The following SELENOM variants were observed in gnomAD, a reference collection of about 807,000 sequenced individuals.
The protein encoded by SELENOM is selenoprotein SelM.
Under a neutral mutation model 14.5 loss-of-function variants are expected in SELENOM, and 17 were observed. That is an observed-to-expected ratio of 1.17 (90% CI 0.80 to 1.76). SELENOM has a LOEUF of 1.76. Among genes scored for constraint, SELENOM ranks in the 40% most tolerant of loss-of-function variants. The pLI is 0.00. For missense variants in SELENOM, 230 were observed against 204.6 expected, an observed-to-expected ratio of 1.12 and a Z score of -0.76; for synonymous variants, 102 against 93.3, an observed-to-expected ratio of 1.09 and a Z score of -0.54.
In SELENOM at chr22:31,105,141, A is replaced by G; in HGVS notation, c.280-13T>C. On this transcript the variant is annotated splice_polypyrimidine_tract_variant and intron_variant, in intron 4 of 4. Transcript: ENST00000400299. ...TGAGTGGGATGCGCTGAGGCGGAGG[A>G]GGGGCGGGGTCAGCAGGCTGGGCCT... The G allele has an allele frequency of 6.2e-7, 1 of 1,613,364 alleles. No homozygotes were observed. Among genetic ancestry groups the G allele is most frequent in the Non-Finnish European group, 8.5e-7 (1 of 1,179,762 alleles).
Position 31,104,878 on chromosome 22 carries a change from C to G in SELENOM, c.*92G>C, listed in dbSNP as rs2044370569. The G allele has an allele frequency of 7.2e-6, 10 of 1,387,276 alleles. No homozygotes were observed. The South Asian group carries it at 1.4e-4, about 19-fold the overall frequency. 85.9% of individuals were successfully genotyped at this position (1,387,276 alleles called of 1,614,324 possible). ...GCTGGCCCGGGGACGGGCATCGGCT[C>G]TCAGCAAGAGAAGTATTCCCGGGAT... On this transcript the variant is annotated 3_prime_UTR_variant, in exon 5 of 5. Transcript: ENST00000400299.
Position 31,104,887 on chromosome 22 carries a change from A to C in SELENOM, c.*83T>G. ...GGGACGGGCATCGGCTCTCAGCAAG[A>C]GAAGTATTCCCGGGATGCTGAGCGC... is the stretch of plus-strand genomic sequence containing the variant. On this transcript the variant is annotated 3_prime_UTR_variant, in exon 5 of 5. Coordinates refer to ENST00000400299, the MANE Select transcript of SELENOM (RefSeq NM_080430.4). The C allele has an allele frequency of 1.4e-6, 2 of 1,403,990 alleles. No individual in the cohort carries two copies. Among genetic ancestry groups the C allele is most frequent in the Non-Finnish European group, 1.9e-6 (2 of 1,057,312 alleles). 87.0% of individuals were successfully genotyped at this position (1,403,990 alleles called of 1,614,324 possible).
At chr22:31,106,202 A>G (rs1372184138) in intron 1 of SELENOM, 1 of 585,000 alleles carries the variant, frequency 1.7e-6, no homozygotes, top group Non-Finnish European at 3.1e-6. Context: ...CCAGAGACCC[A>G]CAGTGTGCCT....
intron 3 of SELENOM, 48 bp from the exon 4 acceptor site, chr22:31,105,334 G>T: frequency 1.3e-6 from 2 of 1,537,914 alleles, no homozygotes; most frequent in South Asian, 1.2e-5. Flanking sequence ...GGAGGTGGTG[G>T]TTTCCGCAGC....
Position 31,107,421 on chromosome 22 carries a change from G to T in SELENOM, c.85C>A (p.Pro29Thr). Residue 29 changes from proline to threonine, a missense_variant, in exon 1 of 5, where the codon CCG becomes ACG. Transcript: ENST00000400299. ...AGGCCGCTCAGACGGTTCCAGTCCG[G>T]CCGGTAGGCAGTGGCGGCTGTGGCT... ...APATAATAYR[P>T]DWNRLSGLTR... The T allele has an allele frequency of 1.3e-6, 2 of 1,589,340 alleles. No homozygotes were observed. Among genetic ancestry groups the T allele is most frequent in the South Asian group, 2.3e-5 (2 of 87,466 alleles).
In SELENOM at chr22:31,104,919, CT is replaced by C; in HGVS notation, c.*50del. On this transcript the variant is annotated 3_prime_UTR_variant, in exon 5 of 5. Transcript: ENST00000400299. ...TTCCCGGGATGCTGAGCGCTTCATTCTGTCTCCAGGACTCAGGCAGGTAGGT... is the reference window on the plus strand; with the variant it reads ...TTCCCGGGATGCTGAGCGCTTCATTCGTCTCCAGGACTCAGGCAGGTAGGT... 1 of 1,499,028 alleles carries C rather than the reference CT, an allele frequency of 6.7e-7. No individual in the cohort carries two copies. The highest frequency in any genetic ancestry group is 8.9e-7 in the Non-Finnish European group (1 of 1,125,458). 92.9% of individuals were successfully genotyped at this position (1,499,028 alleles called of 1,614,324 possible). A position where few individuals can be genotyped will look rare whatever the true frequency, so the allele number is the denominator to read the frequency against.
intron 1 of SELENOM, chr22:31,106,524 T>A (rs1292706900): frequency 6.0e-6 from 1 of 166,274 alleles, no homozygotes; most frequent in African/African-American, 2.4e-5. Context: ...CTGCCTTCCC[T>A]GAGGAGATGC....
At position 31,105,749 on chromosome 22, in the gene SELENOM, G is replaced by A. The variant is rs553271664; in HGVS notation, c.166-57C>T. On this transcript the variant is annotated intron_variant, in intron 2 of 4. Transcript: ENST00000400299. ...ACCTCAGTCTACTCGAGGTACAGAC[G>A]AGACACTGAAGCCCAGTGAGGTCAT... 47 of 1,591,792 alleles carry A rather than the reference G, an allele frequency of 3.0e-5. No individual in the cohort carries two copies. In the African/African-American group the frequency reaches 4.3e-4, roughly 15 times the overall value.
chr22:31,105,861 G>C (rs2044398607), intron 2 of SELENOM, 69 bp downstream of exon 2: 1 of 1,539,078 alleles, frequency 6.5e-7, no homozygotes, highest in Non-Finnish European at 9.0e-7. Context: ...CCAGTCATTG[G>C]GACCATGTTG....
chr22:31,105,092 T>C lies in SELENOM; in HGVS notation c.316A>G (p.Asn106Asp), dbSNP rs757184258. 1.2e-6 allele frequency: 2 copies of C among 1,613,338 alleles called. No individual in the cohort carries two copies. Among genetic ancestry groups the C allele is most frequent in the Admixed American group, 1.7e-5 (1 of 59,962 alleles). The change falls in exon 5 of 5, where the codon AAT becomes GAT. Residue 106 changes from asparagine (N) to aspartate (D), a missense_variant. By Grantham distance (23) the Asn-to-Asp change is conservative. Transcript: ENST00000400299. ...AAGCCGAGCTCCTGCACTAGCGCAT[T>C]GATCTCTTCGCGGGTCATTTCACTG... is the stretch of plus-strand genomic sequence containing the variant. Reference protein sequence around the residue: ...PLSEMTREEINALVQELGFYR... With the variant: ...PLSEMTREEIDALVQELGFYR...
chr22:31,107,282 G>C, intron 1 of SELENOM, 95 bp downstream of exon 1: 1 of 1,418,930 alleles, frequency 7.0e-7, no homozygotes, highest in Non-Finnish European at 9.4e-7. Flanking sequence ...GAGACTCGCG[G>C]TTCGAGGTGG....
chr22:31,104,840 C>A lies in SELENOM; in HGVS notation c.*130G>T, dbSNP rs2044368993. The A allele has an allele frequency of 5.5e-6, 6 of 1,097,550 alleles. No homozygotes were observed. 68.0% of individuals were successfully genotyped at this position (1,097,550 alleles called of 1,614,324 possible). A position where few individuals can be genotyped will look rare whatever the true frequency, so the allele number is the denominator to read the frequency against. On this transcript the variant is annotated 3_prime_UTR_variant, in exon 5 of 5. Transcript: ENST00000400299. ...GAAAGTGGGGTTGGGAGAACCTCCC[C>A]AACCCCATCCCTGCTGGCCCGGGGA...
intron 1 of SELENOM, chr22:31,106,212 T>C (rs533122430): frequency 1.9e-5 from 11 of 577,836 alleles, no homozygotes; most frequent in African/African-American, 1.7e-4. Context: ...ACAGTGTGCC[T>C]GCCAGCCTTG....
chr22:31,105,284 T>G lies in SELENOM; in HGVS notation c.203A>C (p.His68Pro), dbSNP rs1445034466. 1 of 1,610,378 alleles carries G rather than the reference T, an allele frequency of 6.2e-7. No homozygotes were observed. The highest frequency in any genetic ancestry group is 1.3e-5 in the African/African-American group (1 of 74,840). The change falls in exon 4 of 5, where the codon CAC (histidine) becomes CCC (proline). Residue 68 changes from histidine to proline, a missense_variant and splice_region_variant. By Grantham distance (77) the His-to-Pro change is moderately conservative (BLOSUM62 -2). Transcript: ENST00000400299. ...AGGGAGGTGTTTCATCACCAGGTTG[T>G]GACTGGAGGTGGTGTTAAGGAGCGG... ...AFVTQDIPFYHNLVMKHLPGA... is the reference protein window; with the variant it reads ...AFVTQDIPFYPNLVMKHLPGA...
intron 1 of SELENOM, chr22:31,106,292 T>A (rs1028938160): frequency 4.7e-6 from 2 of 427,398 alleles, no homozygotes; most frequent in African/African-American, 4.0e-5. Context: ...CTGCTCCTCT[T>A]AAGCAGTAGA....
chr22:31,107,212 C>T, intron 1 of SELENOM, 165 bp downstream of exon 1: 1 of 863,580 alleles, frequency 1.2e-6, no homozygotes, highest in Non-Finnish European at 1.7e-6. Flanking sequence ...ACGGTGGATG[C>T]TGGGGCCATC....
chr22:31,105,786 G>A, intron 2 of SELENOM, 94 bp from the exon 3 acceptor site: 1 of 1,514,078 alleles, frequency 6.6e-7, no homozygotes, highest in Non-Finnish European at 9.2e-7. Context: ...AAGCAAGTCA[G>A]GTGCAGGCTA....
At chr22:31,106,781 G>A (rs2044410217) in intron 1 of SELENOM, 1 of 152,688 alleles carries the variant, frequency 6.5e-6, no homozygotes, top group South Asian at 2.0e-4. Context: ...GGCGGGCTGT[G>A]ATGGTCAAAG....
Position 31,105,006 on chromosome 22 carries a change from C to G in SELENOM, c.402G>C (p.Lys134Asn), listed in dbSNP as rs1283436408. Residue 134 changes from lysine to asparagine, a missense_variant, in exon 5 of 5, where the codon AAG becomes AAC. Physicochemically the swap from Lys to Asn is moderately conservative, Grantham distance 94. Coordinates refer to ENST00000400299, the MANE Select transcript of SELENOM (RefSeq NM_080430.4). Reference sequence around the variant, plus strand: ...CGTGGTCCGAAGTTTCCTCTGGGGGCTTCGCGGGCGCCCACACGTACTCGG... The same window carrying G: ...CGTGGTCCGAAGTTTCCTCTGGGGGGTTCGCGGGCGCCCACACGTACTCGG... ...VPPEYVWAPA[K>N]PPEETSDHAD... is the part of the protein sequence containing the mutation. 1.9e-6 allele frequency: 3 copies of G among 1,602,978 alleles called. No homozygotes were observed. Among genetic ancestry groups the G allele is most frequent in the Non-Finnish European group, 1.7e-6 (2 of 1,176,774 alleles).
Sources: gnomAD v4.1 joint callset for allele counts on GRCh38, gnomAD v4.1.1 for gene constraint, MANE v1.5 for transcripts, NCBI Gene and HGNC (gene_info 2026-07-23, HGNC 2026-07-21) for gene names.